NRL: variants seen among roughly 807,000 people sequenced by gnomAD.
NRL encodes the protein neural retina leucine zipper.
In NRL, 16 loss-of-function variants were observed where a neutral mutation model predicts 12.5. The observed-to-expected ratio is 1.28, with a 90% confidence interval of 0.87 to 1.95. NRL has a LOEUF of 1.95. Ranked by LOEUF, NRL falls within the 30% of genes most tolerant of loss-of-function variation. NRL has a pLI of 0.00. For synonymous variants in NRL, 142 were observed against 150.9 expected, an observed-to-expected ratio of 0.94 and a Z score of 0.43; for missense variants, 314 against 325.8, an observed-to-expected ratio of 0.96 and a Z score of 0.28.
intron 1 of NRL, chr14:24,104,060 A>G: frequency 1.3e-6 from 1 of 784,078 alleles, no homozygotes; most frequent in Non-Finnish European, 2.2e-6. Context: ...ATTAACTAAC[A>G]TCTTCAATGT....
At chr14:24,099,932 C>T in intron 1 of NRL, 1 of 1,613,838 alleles carries the variant, frequency 6.2e-7, no homozygotes, top group Admixed American at 1.7e-5. Flanking sequence ...GCAGGACCTT[C>T]TTTGGTCTTA....
At chr14:24,100,409 C>T (rs182512759) in intron 1 of NRL, 1 of 1,250,544 alleles carries the variant, frequency 8.0e-7, no homozygotes, top group African/African-American at 1.5e-5. Flanking sequence ...TGTGATCTGG[C>T]TAAGTTGCTC....
At chr14:24,114,281 G>A (rs891722625) in intron 1 of NRL, 1 of 152,306 alleles carries the variant, frequency 6.6e-6, no homozygotes, top group East Asian at 1.9e-4. Context: ...CGGATAAAGG[G>A]AGGTCTAAAA....
chr14:24,110,115 T>A (rs1334101614), intron 1 of NRL, among the ~76,000 whole-genome samples: 1 of 152,012 alleles, frequency 6.6e-6, no homozygotes, highest in Non-Finnish European at 1.5e-5. Context: ...TGGGTATTAT[T>A]ATACTTTTTT....
intron 1 of NRL, among the ~76,000 whole-genome samples, chr14:24,086,745 G>A (rs573083613): frequency 6.6e-6 from 1 of 152,378 alleles, no homozygotes; most frequent in African/African-American, 2.4e-5. Context: ...TTTACTGGAG[G>A]GCTCAAAGGA....
At position 24,098,579 on chromosome 14, in the gene NRL, C is replaced by T. The variant is rs377444905; in HGVS notation, c.-27-15704G>A. ...CTCAGCCTATGTGGTGGCAAGCATG[C>T]GTATTATGACCCGACTGGGGACACC... is the stretch of plus-strand genomic sequence containing the variant. On this transcript the variant is annotated intron_variant, in intron 1 of 2. Coordinates refer to ENST00000561028, the MANE Select transcript of NRL (RefSeq NM_001354768.3). 41 of 1,613,978 alleles carry T rather than the reference C, an allele frequency of 2.5e-5. No homozygotes were observed. Among genetic ancestry groups the T allele is most frequent in the African/African-American group, 6.7e-5 (5 of 74,932 alleles).
intron 1 of NRL, among the ~76,000 whole-genome samples, chr14:24,089,160 C>A (rs1163879522): frequency 5.3e-5 from 8 of 151,948 alleles, no homozygotes. Context: ...TGGTCTTGAA[C>A]TCCTGACCTC....
Position 24,094,197 on chromosome 14 carries a change from G to GGGCC in NRL, c.-27-11326_-27-11323dup, listed in dbSNP as rs2036741518. ...GGCTGACCTGGAGCCTGGAGCCCCG[G>GGGCC]GGCCGAGGGAGCTGGCCTGCCAGCG... On this transcript the variant is annotated intron_variant, in intron 1 of 2. Coordinates refer to ENST00000561028, the MANE Select transcript of NRL (RefSeq NM_001354768.3). The surrounding 1 kb of genome is among the most constrained non-coding windows in gnomAD (Gnocchi z 4.1). 1 of 564,444 alleles carries GGGCC rather than the reference G, an allele frequency of 1.8e-6. No homozygotes were observed. The highest frequency in any genetic ancestry group is 3.1e-6 in the Non-Finnish European group (1 of 326,962). The allele number at this position is 564,444 out of a possible 1,614,324, so 35.0% of individuals were successfully genotyped here.
In NRL at chr14:24,081,567, A is replaced by G. The variant is rs761270634; in HGVS notation, c.383T>C (p.Leu128Pro). The G allele has an allele frequency of 6.9e-6, 11 of 1,594,412 alleles. No homozygotes were observed. The highest frequency in any genetic ancestry group is 9.4e-6 in the Non-Finnish European group (11 of 1,172,050). The change falls in exon 3 of 3, where the codon CTG becomes CCG. Residue 128 changes from leucine to proline, a missense_variant and splice_region_variant. Transcript: ENST00000561028. This position sits in a 1 kb window ranked among gnomAD's most constrained non-coding sequence, Gnocchi z 4.4. ...CGCCGCGTCGGAAAACCGCTCTGCC[A>G]GCTGCGGAGGGAGAATGCAGAAACC... The part of the protein sequence containing the change: ...PEETGAQHVQ[L>P]AERFSDAALV...
intron 1 of NRL, among the ~76,000 whole-genome samples, chr14:24,101,215 G>T (rs952754071): frequency 6.6e-6 from 1 of 152,168 alleles, no homozygotes; most frequent in South Asian, 2.1e-4. Context: ...TCCAGATTTG[G>T]GGGCATAACT....
intron 1 of NRL, among the ~76,000 whole-genome samples, chr14:24,109,900 A>G (rs907266700): frequency 1.8e-4 from 28 of 152,188 alleles, no homozygotes; most frequent in Admixed American, 1.6e-3. Context: ...AAAAGATTTT[A>G]TTCAGGTTTA....
At chr14:24,096,240 T>C (rs1356923776) in intron 1 of NRL, among the ~76,000 whole-genome samples, 1 of 131,854 alleles carries the variant, frequency 7.6e-6, no homozygotes, top group Non-Finnish European at 1.6e-5. Flanking sequence ...TTTTTTTTTT[T>C]TTTTTTTTTT....
rs1331875004 is a variant in NRL, at chr14:24,081,699, C to T, written c.382-131G>A. 6.6e-7 allele frequency: 1 copy of T among 1,526,550 alleles called. No homozygotes were observed. Among genetic ancestry groups the T allele is most frequent in the East Asian group, 2.5e-5 (1 of 40,654 alleles). The allele number at this position is 1,526,550 out of a possible 1,614,324, so 94.6% of individuals were successfully genotyped here. On this transcript the variant is annotated intron_variant, in intron 2 of 2. Transcript: ENST00000561028. The surrounding 1 kb of genome is among the most constrained non-coding windows in gnomAD (Gnocchi z 4.4). ...TCCCACCTTCACCGGAAGGCTCGCCCTTCCACGCAGTCTGTTTCGGTCCAG... is the reference window on the plus strand; with the variant it reads ...TCCCACCTTCACCGGAAGGCTCGCCTTTCCACGCAGTCTGTTTCGGTCCAG...
Position 24,090,617 on chromosome 14 carries a change from A to G in NRL, c.-27-7742T>C, listed in dbSNP as rs568051899. Among the ~76,000 whole-genome samples the G allele has an allele frequency of 2.0e-4, 31 of 152,348 alleles. 1 individual carries two copies. Among genetic ancestry groups the G allele is most frequent in the African/African-American group, 6.3e-4 (26 of 41,574 alleles). On this transcript the variant is annotated intron_variant, in intron 1 of 2. Transcript: ENST00000561028. Reference sequence around the variant, plus strand: ...TGATCCTGAAGCGGGAATCTGGGCTACACACCACAGCATCACTACTCGGGC... The same window carrying G: ...TGATCCTGAAGCGGGAATCTGGGCTGCACACCACAGCATCACTACTCGGGC...
chr14:24,111,498 C>T (rs1261787471), intron 1 of NRL, among the ~76,000 whole-genome samples: 2 of 151,420 alleles, frequency 1.3e-5, no homozygotes, highest in East Asian at 1.9e-4. Context: ...CTCAGCCTCT[C>T]GAGTGGCTGG....
Position 24,081,678 on chromosome 14 carries a change from A to T in NRL, c.382-110T>A. 1 of 1,527,316 alleles carries T rather than the reference A, an allele frequency of 6.5e-7. No homozygotes were observed. Among genetic ancestry groups the T allele is most frequent in the Admixed American group, 2.0e-5 (1 of 50,658 alleles). The allele number at this position is 1,527,316 out of a possible 1,614,324, so 94.6% of individuals were successfully genotyped here. On this transcript the variant is annotated intron_variant, in intron 2 of 2. Transcript: ENST00000561028. This position sits in a 1 kb window ranked among gnomAD's most constrained non-coding sequence, Gnocchi z 4.4. ...CCGGGACAGCCCCGCCCCGGCTCCC[A>T]CCTTCACCGGAAGGCTCGCCCTTCC...
intron 1 of NRL, chr14:24,103,775 G>T: frequency 6.2e-7 from 1 of 1,614,208 alleles, no homozygotes; most frequent in Non-Finnish European, 8.5e-7. Context: ...TGGTGCCAAA[G>T]GAAGGAGCCT....
Position 24,094,619 on chromosome 14 carries a change from G to A in NRL, c.-27-11744C>T, listed in dbSNP as rs1294653147. 3 of 1,468,990 alleles carry A rather than the reference G, an allele frequency of 2.0e-6. No homozygotes were observed. The South Asian group carries it at 4.1e-5, about 20-fold the overall frequency. 91.0% of individuals were successfully genotyped at this position (1,468,990 alleles called of 1,614,324 possible). A position where few individuals can be genotyped will look rare whatever the true frequency, so the allele number is the denominator to read the frequency against. ...CGTCTCTTGGGAGGGCAGCCGGCCG[G>A]TGCTCCTCGTTTCCGCCTGCACCTC... On this transcript the variant is annotated intron_variant, in intron 1 of 2. Transcript: ENST00000561028. The surrounding 1 kb of genome is among the most constrained non-coding windows in gnomAD (Gnocchi z 4.1).
chr14:24,108,140 C>A (rs573066179), intron 1 of NRL, among the ~76,000 whole-genome samples: 2 of 152,316 alleles, frequency 1.3e-5, no homozygotes, highest in Admixed American at 6.5e-5. Context: ...TGTTCATTTC[C>A]TTCCCCAAAC....
Sources: allele counts gnomAD v4.1 joint callset (sites outside exome capture counted in the v4.1 genomes callset), GRCh38; gene constraint gnomAD v4.1.1; non-coding constraint Gnocchi (gnomAD v3.1); transcripts MANE v1.5; gene names NCBI Gene and HGNC (gene_info 2026-07-23, HGNC 2026-07-21).